The following CD9 variants were observed in gnomAD, a reference collection of about 807,000 sequenced individuals.
CD9 encodes the protein CD9 antigen.
Under a neutral mutation model 31.4 loss-of-function variants are expected in CD9, and 10 were observed. The ratio of observed to expected loss-of-function variants is 0.32; its 90% CI spans 0.20 to 0.54. The LOEUF is 0.54. Ranked by LOEUF, CD9 falls within the 20% of genes least tolerant of loss-of-function variation. The pLI is 0.94. For missense variants in CD9, 259 were observed against 300.1 expected, an observed-to-expected ratio of 0.86 and a Z score of 1.01; for synonymous variants, 113 against 114.1, an observed-to-expected ratio of 0.99 and a Z score of 0.06.
At chr12:6,218,393 G>A (rs987513329) in intron 1 of CD9, among the ~76,000 whole-genome samples, 3 of 152,188 alleles carry the variant, frequency 2.0e-5, no homozygotes, top group African/African-American at 4.8e-5. Context: ...CCGGGGAGTG[G>A]CATGCAGTAT....
At chr12:6,217,407 T>A (rs925500869) in intron 1 of CD9, among the ~76,000 whole-genome samples, 1 of 152,022 alleles carries the variant, frequency 6.6e-6, no homozygotes, top group African/African-American at 2.4e-5. Context: ...GGCTTCCACC[T>A]GTGGTGCCAG....
At chr12:6,225,703 T>G (rs917324562) in intron 2 of CD9, 169 bp downstream of exon 2, 8 of 593,288 alleles carry the variant, frequency 1.3e-5, no homozygotes, top group African/African-American at 5.6e-5. Flanking sequence ...TGTGTGTCGT[T>G]GTGCCTGGGA....
In CD9 at chr12:6,226,872, G is replaced by A. The variant is rs187312885; in HGVS notation, c.175+1338G>A. Among the ~76,000 whole-genome samples, 59 of 152,328 alleles carry A rather than the reference G, an allele frequency of 3.9e-4. No individual in the cohort carries two copies. In the East Asian group the frequency reaches 6.2e-3, roughly 16 times the overall value. On this transcript the variant is annotated intron_variant, in intron 2 of 7. Transcript: ENST00000009180. ...ATGCTGTCCTGCAGAGCAGGAGGGA[G>A]GAGCCGGGTGCGGGTGCTGGGGAAG...
At chr12:6,223,292 C>T (rs564650301) in intron 1 of CD9, among the ~76,000 whole-genome samples, 5 of 148,942 alleles carry the variant, frequency 3.4e-5, no homozygotes, top group East Asian at 2.0e-4. Flanking sequence ...GAGGGAGTCT[C>T]GCTCTGTCGC....
chr12:6,204,055 A>G (rs1273935717), intron 1 of CD9, among the ~76,000 whole-genome samples: 1 of 152,198 alleles, frequency 6.6e-6, no homozygotes, highest in Non-Finnish European at 1.5e-5. Flanking sequence ...AGAGACCTAC[A>G]CTGGGAATTC....
chr12:6,210,183 G>A (rs1295657541), intron 1 of CD9, among the ~76,000 whole-genome samples: 1 of 152,284 alleles, frequency 6.6e-6, no homozygotes, highest in East Asian at 1.9e-4. Context: ...GTGGTTCTGG[G>A]GAAGGGCAGA....
chr12:6,209,679 C>CTT (rs71064199), intron 1 of CD9, among the ~76,000 whole-genome samples: 19 of 132,630 alleles, frequency 1.4e-4, no homozygotes, highest in African/African-American at 1.7e-4. Flanking sequence ...CTGCAAATTT[C>CTT]TTTTTTTTTT....
At chr12:6,237,705 C>T (rs1297596842) in intron 7 of CD9, 58 bp from the exon 8 acceptor site, 1 of 1,325,274 alleles carries the variant, frequency 7.5e-7, no homozygotes, top group East Asian at 2.3e-5. Context: ...TCTCCCTTTC[C>T]CTCAGCCTTC....
intron 1 of CD9, among the ~76,000 whole-genome samples, chr12:6,223,766 A>T (rs1004981850): frequency 6.6e-6 from 1 of 152,080 alleles, no homozygotes; most frequent in Non-Finnish European, 1.5e-5. Context: ...CGGGGAACCC[A>T]TGGTCTGAAT....
intron 1 of CD9, chr12:6,225,133 C>T (rs1319885914): frequency 1.1e-5 from 4 of 361,280 alleles, no homozygotes; most frequent in Admixed American, 4.4e-5. Flanking sequence ...CATGGTGTTG[C>T]GTGTAGCTAG....
At position 6,232,538 on chromosome 12, in the gene CD9, A is replaced by G; in HGVS notation, c.176-94A>G. The G allele has an allele frequency of 1.3e-6, 1 of 773,950 alleles. No individual in the cohort carries two copies. The highest frequency in any genetic ancestry group is 1.5e-5 in the South Asian group (1 of 68,728). The allele number at this position is 773,950 out of a possible 1,614,324, so 47.9% of individuals were successfully genotyped here. ...GAGGGGAATAAGGAGGTGGGGAGGCAGGAGTTAGGCAGAGGGAAACAGGAA... is the reference window on the plus strand; with the variant it reads ...GAGGGGAATAAGGAGGTGGGGAGGCGGGAGTTAGGCAGAGGGAAACAGGAA... On this transcript the variant is annotated intron_variant, in intron 2 of 7. Transcript: ENST00000009180. This position sits in a 1 kb window ranked among gnomAD's most constrained non-coding sequence, Gnocchi z 4.8.
chr12:6,223,348 G>A (rs374881969), intron 1 of CD9, among the ~76,000 whole-genome samples: 5 of 150,750 alleles, frequency 3.3e-5, no homozygotes, highest in African/African-American at 9.8e-5. Flanking sequence ...TGCAAGCTCC[G>A]CCTCCCGGGC....
chr12:6,220,079 A>C (rs1253434681), intron 1 of CD9, among the ~76,000 whole-genome samples: 2 of 152,178 alleles, frequency 1.3e-5, no homozygotes, highest in African/African-American at 2.4e-5. Flanking sequence ...GGAAGGGCAG[A>C]GAGTGTGGAG....
intron 1 of CD9, among the ~76,000 whole-genome samples, chr12:6,205,112 A>G (rs1946116581): frequency 6.6e-6 from 1 of 152,216 alleles, no homozygotes; most frequent in Non-Finnish European, 1.5e-5. Flanking sequence ...AGTTGCTGGG[A>G]CTGTTGCATA....
intron 1 of CD9, among the ~76,000 whole-genome samples, chr12:6,215,526 C>T (rs111612824): frequency 3.3e-5 from 5 of 152,138 alleles, no homozygotes; most frequent in South Asian, 2.1e-4. Context: ...GGGGTCATTT[C>T]GAGAGCTGCT....
At chr12:6,236,858 C>G (rs1383278501) in intron 7 of CD9, 1 of 213,660 alleles carries the variant, frequency 4.7e-6, no homozygotes, top group Non-Finnish European at 9.2e-6. Flanking sequence ...GCCCTCTTGC[C>G]AGACTGCCCC....
At chr12:6,225,774 C>G (rs1163137727) in intron 2 of CD9, 3 of 542,854 alleles carry the variant, frequency 5.5e-6, no homozygotes, top group Admixed American at 3.3e-5. Flanking sequence ...GTTGATGGTT[C>G]TCTGATGTGA....
Position 6,232,320 on chromosome 12 carries a change from T to C in CD9, c.176-312T>C, listed in dbSNP as rs1946455896. On this transcript the variant is annotated intron_variant, in intron 2 of 7. Coordinates refer to ENST00000009180, the MANE Select transcript of CD9 (RefSeq NM_001769.4). The surrounding 1 kb of genome is among the most constrained non-coding windows in gnomAD (Gnocchi z 4.8). ...AGACTGGACCAGTTTGCATTCCGAA[T>C]GTAGGGATTCCCGTGGATATTCTCT... 3.9e-5 allele frequency: 17 copies of C among 440,382 alleles called. No individual in the cohort carries two copies. The highest frequency in any genetic ancestry group is 3.8e-4 in the South Asian group (17 of 44,346). 27.3% of individuals were successfully genotyped at this position (440,382 alleles called of 1,614,324 possible).
intron 1 of CD9, among the ~76,000 whole-genome samples, chr12:6,211,226 A>T (rs11568210): frequency 0.016 from 2,459 of 152,298 alleles, 72 homozygotes; most frequent in African/African-American, 0.057. Flanking sequence ...AAAACTAAAT[A>T]GTTCTGGAGA....
Sources: allele counts gnomAD v4.1 joint callset (sites outside exome capture counted in the v4.1 genomes callset), GRCh38; gene constraint gnomAD v4.1.1; non-coding constraint Gnocchi (gnomAD v3.1); transcripts MANE v1.5; gene names NCBI Gene and HGNC (gene_info 2026-07-23, HGNC 2026-07-21).